AUTS2: variants seen among roughly 807,000 people sequenced by gnomAD.
AUTS2 encodes the protein autism susceptibility gene 2 protein.
Under a neutral mutation model 112.4 loss-of-function variants are expected in AUTS2, and 17 were observed. The observed-to-expected ratio is 0.15, with a 90% CI of 0.10 to 0.23. AUTS2 has a LOEUF of 0.23. Ranked by LOEUF, AUTS2 falls within the 10% of genes least tolerant of loss-of-function variation. The probability of loss-of-function intolerance (pLI) is 1.00; values close to 1 mark genes in which losing one functional copy is unlikely to be tolerated. For synonymous variants in AUTS2, 751 were observed against 702.7 expected, an observed-to-expected ratio of 1.07 and a Z score of -1.09; for missense variants, 1,510 against 1,701.6, an observed-to-expected ratio of 0.89 and a Z score of 1.98.
intron 7 of AUTS2, among the ~76,000 whole-genome samples, chr7:70,763,798 G>C (rs977800513): frequency 6.6e-6 from 1 of 152,140 alleles, no homozygotes; most frequent in South Asian, 2.1e-4. Flanking sequence ...GACCTGATGA[G>C]TATTCCAGCT....
chr7:70,020,615 T>A (rs1461132152), intron 2 of AUTS2, among the ~76,000 whole-genome samples: 1 of 152,158 alleles, frequency 6.6e-6, no homozygotes, highest in Non-Finnish European at 1.5e-5. Context: ...CTGTACACAC[T>A]CACCACCCTC....
chr7:70,785,808 T>C, intron 16 of AUTS2, 147 bp from the exon 17 acceptor site: 1 of 673,870 alleles, frequency 1.5e-6, no homozygotes, highest in South Asian at 1.9e-5. Context: ...ATGAAAACCT[T>C]TTACACCATC....
intron 2 of AUTS2, among the ~76,000 whole-genome samples, chr7:70,055,316 C>G (rs551852701): frequency 1.3e-5 from 2 of 152,140 alleles, no homozygotes; most frequent in Non-Finnish European, 2.9e-5. Context: ...TGCCTGTAAT[C>G]CCAGCTACGT....
intron 5 of AUTS2, among the ~76,000 whole-genome samples, chr7:70,564,920 A>G (rs897430585): frequency 6.6e-6 from 1 of 152,142 alleles, no homozygotes; most frequent in African/African-American, 2.4e-5. Context: ...CAATATGGTG[A>G]AACCCTGTCT....
intron 5 of AUTS2, among the ~76,000 whole-genome samples, chr7:70,499,526 G>T (rs1798691195): frequency 6.6e-6 from 1 of 152,220 alleles, no homozygotes; most frequent in Non-Finnish European, 1.5e-5. Context: ...AGTGCTCATA[G>T]GAGGAAGCTC....
chr7:70,600,694 T>C (rs571849796), intron 5 of AUTS2, among the ~76,000 whole-genome samples: 7 of 152,232 alleles, frequency 4.6e-5, no homozygotes, highest in Non-Finnish European at 1.0e-4. Context: ...GCAATCACTC[T>C]CTGCACCCCC....
intron 1 of AUTS2, among the ~76,000 whole-genome samples, chr7:69,736,528 A>G (rs959651612): frequency 6.6e-6 from 1 of 152,214 alleles, no homozygotes; most frequent in Non-Finnish European, 1.5e-5. Context: ...CATGAAAAGC[A>G]TTTGAATTAT....
chr7:70,512,162 A>T (rs889382570), intron 5 of AUTS2, among the ~76,000 whole-genome samples: 14 of 152,164 alleles, frequency 9.2e-5, no homozygotes, highest in Non-Finnish European at 1.5e-5. Flanking sequence ...CTGGGTATTA[A>T]CCATCAAGGC....
chr7:70,101,043 A>G (rs926481580), intron 2 of AUTS2, among the ~76,000 whole-genome samples: 1 of 151,762 alleles, frequency 6.6e-6, no homozygotes, highest in Non-Finnish European at 1.5e-5. Flanking sequence ...ACACCTGGCT[A>G]ATTTTTGTAT....
intron 4 of AUTS2, among the ~76,000 whole-genome samples, chr7:70,151,515 C>T (rs769351890): frequency 2.0e-5 from 3 of 152,096 alleles, no homozygotes; most frequent in South Asian, 2.1e-4. Flanking sequence ...TTCTTGTTGC[C>T]CAAGCTGGAG....
chr7:70,787,061 T>G, intron 17 of AUTS2, 148 bp from the exon 18 acceptor site: 2 of 804,488 alleles, frequency 2.5e-6, no homozygotes, highest in South Asian at 1.5e-5. Context: ...TCTAATGAAT[T>G]TGTTAATCTC....
chr7:70,286,443 T>A (rs996770619), intron 4 of AUTS2, among the ~76,000 whole-genome samples: 3 of 152,312 alleles, frequency 2.0e-5, no homozygotes, highest in Non-Finnish European at 2.9e-5. Flanking sequence ...TTCTAAAACA[T>A]AAAACAAAAC....
chr7:70,511,700 C>T (rs1799203052), intron 5 of AUTS2, among the ~76,000 whole-genome samples: 1 of 150,540 alleles, frequency 6.6e-6, no homozygotes, highest in Admixed American at 6.7e-5. Context: ...CTCAGCCTCC[C>T]AAATAGCTGG....
intron 4 of AUTS2, among the ~76,000 whole-genome samples, chr7:70,269,620 G>A (rs1224040296): frequency 6.6e-6 from 1 of 152,132 alleles, no homozygotes; most frequent in Non-Finnish European, 1.5e-5. Context: ...TCTTATCAAG[G>A]TTCTTAGAGA....
intron 1 of AUTS2, among the ~76,000 whole-genome samples, chr7:69,849,846 G>A (rs1399511704): frequency 2.6e-5 from 4 of 151,992 alleles, no homozygotes; most frequent in African/African-American, 9.7e-5. Context: ...CGCTTATTGA[G>A]GAACATTTTG....
At chr7:70,571,351 A>G (rs530698561) in intron 5 of AUTS2, among the ~76,000 whole-genome samples, 2 of 152,344 alleles carry the variant, frequency 1.3e-5, no homozygotes, top group East Asian at 3.9e-4. Flanking sequence ...TAAAGTGCCT[A>G]ACACAGTGTC....
chr7:69,809,279 T>C (rs1006897672), intron 1 of AUTS2, among the ~76,000 whole-genome samples: 5 of 151,614 alleles, frequency 3.3e-5, no homozygotes, highest in Admixed American at 1.3e-4. Context: ...GGGGTTTCAC[T>C]GTGTTAGCCA....
chr7:70,220,614 T>C (rs1811424545), intron 4 of AUTS2, among the ~76,000 whole-genome samples: 1 of 152,126 alleles, frequency 6.6e-6, no homozygotes, highest in Admixed American at 6.5e-5. Context: ...ATCTGCTAAG[T>C]AAGACATGAC....
At chr7:70,000,856 C>T (rs1019125690) in intron 2 of AUTS2, among the ~76,000 whole-genome samples, 2 of 151,684 alleles carry the variant, frequency 1.3e-5, no homozygotes, top group East Asian at 3.9e-4. Context: ...CTTTTGCCCG[C>T]CTCCTTTAAA....
Sources: allele counts gnomAD v4.1 joint callset (sites outside exome capture counted in the v4.1 genomes callset), GRCh38; gene constraint gnomAD v4.1.1; transcripts MANE v1.5; gene names NCBI Gene and HGNC (gene_info 2026-07-23, HGNC 2026-07-21).